The following EXT2 variants were observed in gnomAD, a reference collection of about 807,000 sequenced individuals.
EXT2 encodes the protein exostosin glycosyltransferase 2.
A neutral mutation model predicts 81.6 loss-of-function variants in EXT2; 53 were observed. The ratio of observed to expected loss-of-function variants is 0.65; its 90% CI spans 0.52 to 0.82. The LOEUF (loss-of-function observed/expected upper bound fraction) is 0.82. EXT2 is among the 40% of genes least tolerant of loss of function. The pLI is 0.00. For synonymous variants in EXT2, 320 were observed against 340.0 expected (o/e 0.94, Z 0.65); for missense variants, 774 against 910.2 (o/e 0.85, Z 1.93).
intron 7 of EXT2, among the ~76,000 whole-genome samples, chr11:44,140,732 CTCT>C (rs1954634509): frequency 6.6e-6 from 1 of 152,176 alleles, no homozygotes; most frequent in Non-Finnish European, 1.5e-5. Context: ...TATCTTCCTG[CTCT>C]TCTTCTAACT....
At chr11:44,139,360 G>A (rs1954614940) in intron 7 of EXT2, among the ~76,000 whole-genome samples, 1 of 151,882 alleles carries the variant, frequency 6.6e-6, no homozygotes, top group Non-Finnish European at 1.5e-5. Context: ...AACTTGTAGA[G>A]GAAAGTTAGA....
At chr11:44,169,210 ACT>A (rs1213822578) in intron 7 of EXT2, among the ~76,000 whole-genome samples, 5 of 151,888 alleles carry the variant, frequency 3.3e-5, no homozygotes, top group Non-Finnish European at 7.4e-5. Flanking sequence ...ACAGAGTGAG[ACT>A]CTGTCTCAAA....
At chr11:44,167,313 T>C (rs574703035) in intron 7 of EXT2, among the ~76,000 whole-genome samples, 112 of 152,280 alleles carry the variant, frequency 7.4e-4, no homozygotes, top group South Asian at 5.0e-3. Context: ...AGAATCCTAG[T>C]AAAAAGCAGC....
chr11:44,228,741 A>G (rs193301326), intron 10 of EXT2, among the ~76,000 whole-genome samples: 3 of 152,304 alleles, frequency 2.0e-5, no homozygotes, highest in Non-Finnish European at 4.4e-5. Flanking sequence ...TATCTGACCC[A>G]TTGTCACCAA....
chr11:44,098,451 G>T (rs959783566), intron 1 of EXT2, among the ~76,000 whole-genome samples: 1 of 152,068 alleles, frequency 6.6e-6, no homozygotes, highest in African/African-American at 2.4e-5. Context: ...TCAGCACTTT[G>T]GGAGGCTGAG....
intron 8 of EXT2, among the ~76,000 whole-genome samples, chr11:44,192,535 A>G (rs1955405900): frequency 6.6e-6 from 1 of 152,148 alleles, no homozygotes; most frequent in South Asian, 2.1e-4. Context: ...AATCACCAAT[A>G]CCAGTGTTTT....
intron 7 of EXT2, among the ~76,000 whole-genome samples, chr11:44,161,031 G>A (rs1374220330): frequency 6.6e-6 from 1 of 151,832 alleles, no homozygotes; most frequent in East Asian, 1.9e-4. Flanking sequence ...CTTTATTTTT[G>A]TATGATAATT....
chr11:44,171,810 G>A, intron 8 of EXT2, 68 bp downstream of exon 8: 1 of 1,598,246 alleles, frequency 6.3e-7, no homozygotes, highest in South Asian at 1.1e-5. Context: ...AAGGAAAAAT[G>A]TACTACAATT....
chr11:44,206,324 T>C (rs1039521510), intron 9 of EXT2, among the ~76,000 whole-genome samples: 2 of 152,210 alleles, frequency 1.3e-5, no homozygotes, highest in Non-Finnish European at 2.9e-5. Context: ...GATATACTTA[T>C]CTGAAAGTAT....
intron 7 of EXT2, 59 bp from the exon 8 acceptor site, chr11:44,171,552 A>G (rs1293740387): frequency 5.6e-6 from 9 of 1,612,380 alleles, no homozygotes; most frequent in East Asian, 2.2e-5. Flanking sequence ...ATGATAGAGT[A>G]TCTAGTTTTC....
chr11:44,216,520 C>A (rs962954161), intron 10 of EXT2, among the ~76,000 whole-genome samples: 2 of 151,904 alleles, frequency 1.3e-5, no homozygotes, highest in Non-Finnish European at 2.9e-5. Context: ...GAGAGAGAGC[C>A]GAATATGGTG....
intron 8 of EXT2, among the ~76,000 whole-genome samples, chr11:44,196,687 G>C (rs1955459581): frequency 6.6e-6 from 1 of 152,152 alleles, no homozygotes; most frequent in East Asian, 1.9e-4. Context: ...TTCTTTGGTA[G>C]AGCTTTTAAA....
intron 8 of EXT2, among the ~76,000 whole-genome samples, chr11:44,176,141 A>AGAATTCATACTGGTGCAGGC (rs1453652019): frequency 6.6e-6 from 1 of 152,190 alleles, no homozygotes; most frequent in Non-Finnish European, 1.5e-5. Context: ...CCTCTGCAGG[A>AGAATTCATACTGGTGCAGGC]GAATTCATAC....
At chr11:44,242,866 C>T (rs1956052284) in intron 13 of EXT2, among the ~76,000 whole-genome samples, 1 of 152,164 alleles carries the variant, frequency 6.6e-6, no homozygotes, top group South Asian at 2.1e-4. Flanking sequence ...GACCTTTGAA[C>T]ATGTTATTTA....
At chr11:44,181,196 A>G (rs1422371303) in intron 8 of EXT2, among the ~76,000 whole-genome samples, 1 of 152,216 alleles carries the variant, frequency 6.6e-6, no homozygotes, top group Non-Finnish European at 1.5e-5. Flanking sequence ...TGAATTTTGA[A>G]AGGATTGCTC....
intron 7 of EXT2, among the ~76,000 whole-genome samples, chr11:44,154,182 A>G (rs1954829966): frequency 6.6e-6 from 1 of 152,076 alleles, no homozygotes; most frequent in African/African-American, 2.4e-5. Context: ...TGAGATGTAC[A>G]ATAAATTATT....
intron 4 of EXT2, among the ~76,000 whole-genome samples, chr11:44,121,110 A>G (rs572330654): frequency 7.7e-4 from 117 of 152,336 alleles, no homozygotes; most frequent in Non-Finnish European, 1.3e-3. Context: ...TGGGTGGGGA[A>G]GAAGGCGCAC....
chr11:44,103,793 T>G (rs1199699376), intron 1 of EXT2: 4 of 313,338 alleles, frequency 1.3e-5, no homozygotes, highest in Non-Finnish European at 2.5e-5. Context: ...AGTTTTCAAA[T>G]GTACTGGCAT....
At chr11:44,150,610 A>G (rs2135081132) in intron 7 of EXT2, among the ~76,000 whole-genome samples, 1 of 152,286 alleles carries the variant, frequency 6.6e-6, no homozygotes, top group Non-Finnish European at 1.5e-5. Flanking sequence ...GTTCCTCTGG[A>G]ACAACACAGC....
Sources: allele counts gnomAD v4.1 joint callset (sites outside exome capture counted in the v4.1 genomes callset), GRCh38; gene constraint gnomAD v4.1.1; transcripts MANE v1.5; gene names NCBI Gene and HGNC (gene_info 2026-07-23, HGNC 2026-07-21).